Variants in PDE4D observed in about 807,000 individuals in gnomAD.
PDE4D encodes phosphodiesterase 4D.
Under a neutral mutation model 87.4 loss-of-function variants are expected in PDE4D, and 24 were observed. The ratio of observed to expected loss-of-function variants is 0.27; its 90% CI spans 0.20 to 0.39. PDE4D has a LOEUF of 0.39. Among genes scored for constraint, PDE4D ranks in the 10% least tolerant of loss-of-function variants. The pLI is 1.00. For missense variants in PDE4D, 714 were observed against 1,041.0 expected (o/e 0.69, Z 4.32); for synonymous variants, 384 against 383.2 (o/e 1.00, Z -0.02).
chr5:59,577,482 A>G (rs1311049677), intron 1 of PDE4D, among the ~76,000 whole-genome samples: 2 of 152,146 alleles, frequency 1.3e-5, no homozygotes, highest in East Asian at 3.8e-4. Context: ...GAGTAAATTA[A>G]CTAGGTAAGA....
intron 1 of PDE4D, among the ~76,000 whole-genome samples, chr5:60,331,474 G>A (rs1379140635): frequency 6.6e-6 from 1 of 152,180 alleles, no homozygotes; most frequent in Admixed American, 6.5e-5. Context: ...ACTTATGTAT[G>A]GACGCCATGG....
At chr5:59,047,667 AAAAGGAAATGTC>A (rs1378562993) in intron 5 of PDE4D, among the ~76,000 whole-genome samples, 5 of 152,356 alleles carry the variant, frequency 3.3e-5, no homozygotes, top group African/African-American at 1.2e-4. Flanking sequence ...GGAGCAAAGA[AAAAGGAAATGTC>A]AAAGGAAAAT....
intron 6 of PDE4D, among the ~76,000 whole-genome samples, chr5:59,000,584 G>T (rs932433129): frequency 6.6e-6 from 1 of 152,252 alleles, no homozygotes; most frequent in Middle Eastern, 3.4e-3. Context: ...GGGACCACTT[G>T]CAATTCTGGG....
At chr5:59,156,440 G>A (rs934816532) in intron 5 of PDE4D, among the ~76,000 whole-genome samples, 1 of 150,842 alleles carries the variant, frequency 6.6e-6, no homozygotes. Context: ...AGCATTATGT[G>A]GGATTTCTCA....
intron 1 of PDE4D, among the ~76,000 whole-genome samples, chr5:59,771,483 AAG>A (rs1175904019): frequency 5.5e-5 from 3 of 54,402 alleles, no homozygotes; most frequent in African/African-American, 1.3e-4. Flanking sequence ...GAAAGAAAGA[AAG>A]AGAGAGAGAG....
rs1300536439 is a variant in PDE4D at position 58,973,569 on chromosome 5, A to AAAAG, written c.*1091_*1094dup. On this transcript the variant is annotated 3_prime_UTR_variant, in exon 15 of 15. Coordinates refer to ENST00000340635, the MANE Select transcript of PDE4D (RefSeq NM_001104631.2). ...AGATACTAAGTAGGAAAACATCTAA[A>AAAAG]AAAGACTGACCATTTTAGCTACTGG... 4 of 152,646 alleles carry AAAAG rather than the reference A, an allele frequency of 2.6e-5. No homozygotes were observed. The highest frequency in any genetic ancestry group is 9.6e-5 in the African/African-American group (4 of 41,464). 9.5% of individuals were successfully genotyped at this position (152,646 alleles called of 1,614,324 possible). A position where few individuals can be genotyped will look rare whatever the true frequency, so the allele number is the denominator to read the frequency against.
chr5:59,320,428 G>A (rs1422828045), intron 1 of PDE4D, among the ~76,000 whole-genome samples: 5 of 151,886 alleles, frequency 3.3e-5, no homozygotes, highest in African/African-American at 1.2e-4. Flanking sequence ...ATTTTCATAG[G>A]TATAAGTTAC....
chr5:60,045,190 C>T (rs1769058318), intron 2 of PDE4D, among the ~76,000 whole-genome samples: 1 of 150,374 alleles, frequency 6.7e-6, no homozygotes, highest in Admixed American at 6.7e-5. Context: ...TTCATGTCCA[C>T]CCACTTTTTG....
chr5:59,020,196 C>T (rs1044766963), intron 6 of PDE4D, among the ~76,000 whole-genome samples: 3 of 152,050 alleles, frequency 2.0e-5, no homozygotes, highest in Non-Finnish European at 2.9e-5. Context: ...TGATGTTGGC[C>T]GGGTGTGGTG....
At chr5:60,074,009 C>T (rs1323360298) in intron 2 of PDE4D, among the ~76,000 whole-genome samples, 4 of 151,890 alleles carry the variant, frequency 2.6e-5, no homozygotes, top group Admixed American at 2.6e-4. Context: ...AATGGCTTTT[C>T]ATGTCTCAAT....
intron 5 of PDE4D, chr5:59,090,989 T>C (rs1768628492): frequency 2.6e-6 from 1 of 383,662 alleles, no homozygotes; most frequent in Non-Finnish European, 5.1e-6. Flanking sequence ...TGCTCAGAAA[T>C]GCTGTTTAGA....
intron 2 of PDE4D, among the ~76,000 whole-genome samples, chr5:60,152,868 T>C (rs1403028133): frequency 1.3e-5 from 2 of 152,224 alleles, no homozygotes; most frequent in East Asian, 1.9e-4. Context: ...TTATTTATAG[T>C]AGTCCCTTAT....
At position 59,936,601 on chromosome 5, in the gene PDE4D, G is replaced by A. The variant is rs562497025; in HGVS notation, c.272+51887C>T. Among the ~76,000 whole-genome samples, 7 of 152,292 alleles carry A rather than the reference G, an allele frequency of 4.6e-5. No individual in the cohort carries two copies. In the East Asian group the frequency reaches 1.2e-3, roughly 25 times the overall value. On this transcript the variant is annotated intron_variant, in intron 3 of 16. Transcript: ENST00000502484. ...GAGATAATAACTGGGTTCTGAGACTGGATTTTAGTGCTCAGGTCTGCCACT... is the reference window on the plus strand; with the variant it reads ...GAGATAATAACTGGGTTCTGAGACTAGATTTTAGTGCTCAGGTCTGCCACT...
intron 1 of PDE4D, among the ~76,000 whole-genome samples, chr5:59,696,347 T>C (rs1261077346): frequency 6.6e-6 from 1 of 152,166 alleles, no homozygotes. Flanking sequence ...ACTACTATAA[T>C]TGGGCACTTA....
intron 5 of PDE4D, among the ~76,000 whole-genome samples, chr5:59,098,823 C>T (rs973087061): frequency 2.0e-5 from 3 of 152,010 alleles, no homozygotes; most frequent in Non-Finnish European, 4.4e-5. Flanking sequence ...TCTTTCTGAT[C>T]CACCATCCGT....
At chr5:59,736,652 C>T (rs777883070) in intron 1 of PDE4D, among the ~76,000 whole-genome samples, 3 of 151,178 alleles carry the variant, frequency 2.0e-5, no homozygotes, top group Non-Finnish European at 4.4e-5. Context: ...GCACTCCAGC[C>T]TGGGTGATAA....
At chr5:59,230,048 A>G (rs1302861599) in intron 1 of PDE4D, among the ~76,000 whole-genome samples, 1 of 152,174 alleles carries the variant, frequency 6.6e-6, no homozygotes, top group African/African-American at 2.4e-5. Context: ...CGGCCTCCCA[A>G]AGTGCTGGGA....
rs116346158 is a variant in PDE4D at position 59,512,762 on chromosome 5, A to C, written c.456-296794T>G. Among the ~76,000 whole-genome samples the C allele has an allele frequency of 2.7e-3, 411 of 152,270 alleles. 2 individuals are homozygous for C. The highest frequency in any genetic ancestry group is 9.3e-3 in the African/African-American group (385 of 41,580). ...AACATTTGTAAAAAAAATTAGACTAATGTTCAAGTACAGATAGAGACATTT... is the reference window on the plus strand; with the variant it reads ...AACATTTGTAAAAAAAATTAGACTACTGTTCAAGTACAGATAGAGACATTT... On this transcript the variant is annotated intron_variant, in intron 1 of 14. Transcript: ENST00000340635.
chr5:59,631,283 G>A (rs1391613608), intron 1 of PDE4D, among the ~76,000 whole-genome samples: 1 of 152,082 alleles, frequency 6.6e-6, no homozygotes, highest in Non-Finnish European at 1.5e-5. Context: ...GTGCCAGAGA[G>A]TAGATTTGAA....
Sources: gnomAD v4.1 joint callset for allele counts (sites outside exome capture counted in the v4.1 genomes callset) on GRCh38, gnomAD v4.1.1 for gene constraint, MANE v1.5 for transcripts, NCBI Gene and HGNC (gene_info 2026-07-23, HGNC 2026-07-21) for gene names.